The following CELF2 variants were observed in gnomAD, a reference collection of about 807,000 sequenced individuals.
CELF2 encodes the protein CUGBP Elav-like family member 2.
In CELF2, 8 loss-of-function variants were observed where a neutral mutation model predicts 62.6. That is an observed-to-expected ratio of 0.13 (90% CI 0.07 to 0.23). CELF2 has a LOEUF of 0.23. CELF2 is among the 10% of genes least tolerant of loss of function. The pLI is 1.00. For missense variants in CELF2, 333 were observed against 671.0 expected, an observed-to-expected ratio of 0.50 and a Z score of 5.56; for synonymous variants, 258 against 250.0, an observed-to-expected ratio of 1.03 and a Z score of -0.30.
chr10:10,497,132 C>A, the CELF2 span, among the ~76,000 whole-genome samples: 3 of 151,460 alleles, frequency 2.0e-5, no homozygotes, highest in African/African-American at 7.3e-5. Context: ...TTGCAATGAG[C>A]CGAGATCGCG....
In CELF2 at chr10:10,962,581, C is replaced by A. The variant is rs369591770; in HGVS notation, c.89+42582C>A. On this transcript the variant is annotated intron_variant, in intron 2 of 13. Transcript: ENST00000636488. ...CTACAAATAAAAAATATTAACCAGG[C>A]ATGGTGGTGCACACACCCCTGTAGT... Among the ~76,000 whole-genome samples the A allele has an allele frequency of 2.0e-4, 31 of 152,246 alleles. No individual in the cohort carries two copies. The East Asian group carries it at 2.7e-3, about 13-fold the overall frequency.
chr10:11,145,011 G>C lies in CELF2; in HGVS notation c.75-20475G>C, dbSNP rs1403570577. ...TTTCTTGTTTATTTCTGTGTCGAAGGCAAGGCAGCTTAATAGAATTTGAAT... is the reference window on the plus strand; with the variant it reads ...TTTCTTGTTTATTTCTGTGTCGAAGCCAAGGCAGCTTAATAGAATTTGAAT... On this transcript the variant is annotated intron_variant, in intron 1 of 12. Coordinates refer to ENST00000633077, the MANE Select transcript of CELF2 (RefSeq NM_001326342.2). The surrounding 1 kb of genome is among the most constrained non-coding windows in gnomAD (Gnocchi z 4.3). 6.6e-6 allele frequency among the ~76,000 whole-genome samples: 1 copy of C among 151,948 alleles called. No individual in the cohort carries two copies. Among genetic ancestry groups the C allele is most frequent in the East Asian group, 1.9e-4 (1 of 5,188 alleles).
intron 1 of CELF2, among the ~76,000 whole-genome samples, chr10:11,163,418 G>A (rs1221745889): frequency 6.6e-6 from 1 of 152,206 alleles, no homozygotes; most frequent in Non-Finnish European, 1.5e-5. Context: ...AACATGACAT[G>A]CTGTACTGCA....
At chr10:10,539,713 T>C in the CELF2 span, among the ~76,000 whole-genome samples, 1 of 152,182 alleles carries the variant, frequency 6.6e-6, no homozygotes. Context: ...CACTTGGAAA[T>C]TGTACCACCA....
At position 11,165,558 on chromosome 10, in the gene CELF2, G is replaced by A; in HGVS notation, c.147G>A (p.Met49Ile). 6.2e-7 allele frequency: 1 copy of A among 1,614,228 alleles called. No individual in the cohort carries two copies. The highest frequency in any genetic ancestry group is 8.5e-7 in the Non-Finnish European group (1 of 1,180,042). The change falls in exon 2 of 13, where the codon ATG becomes ATA. Residue 49 changes from methionine (M) to isoleucine (I), a missense_variant. By Grantham distance (10) the Met-to-Ile change is conservative. This residue lies in a region of CELF2 where 253 missense variants were observed against 503.0 expected (regional missense o/e 0.50). Coordinates refer to ENST00000633077, the MANE Select transcript of CELF2 (RefSeq NM_001326342.2). The surrounding 1 kb of genome is among the most constrained non-coding windows in gnomAD (Gnocchi z 7.4). ...AACCAGACCCAGATGCCATTAAGAT[G>A]TTTGTCGGACAGATCCCCCGGTCAT... The part of the protein sequence containing the change: ...SDQPDPDAIK[M>I]FVGQIPRSWS...
chr10:10,649,356 G>T, the CELF2 span, among the ~76,000 whole-genome samples: 1 of 152,038 alleles, frequency 6.6e-6, no homozygotes, highest in South Asian at 2.1e-4. Flanking sequence ...TTTCTCTTTT[G>T]TATATACTCA....
At chr10:10,636,731 C>G in the CELF2 span, among the ~76,000 whole-genome samples, 1 of 152,134 alleles carries the variant, frequency 6.6e-6, no homozygotes, top group Non-Finnish European at 1.5e-5. Context: ...CCTAACATCA[C>G]AGGGTCAATA....
intron 12 of CELF2, among the ~76,000 whole-genome samples, chr10:11,326,675 A>G (rs73583255): frequency 0.015 from 2,314 of 152,276 alleles, 59 homozygotes; most frequent in African/African-American, 0.052. Flanking sequence ...TTCATTAAAT[A>G]TATTCCTTGT....
At chr10:11,284,902 G>A (rs2090661962) in intron 8 of CELF2, among the ~76,000 whole-genome samples, 1 of 151,298 alleles carries the variant, frequency 6.6e-6, no homozygotes, top group South Asian at 2.1e-4. Flanking sequence ...GTGGATGGGT[G>A]GATGGTTGGA....
chr10:10,900,655 T>C (rs2062870133), intron 1 of CELF2, among the ~76,000 whole-genome samples: 1 of 152,158 alleles, frequency 6.6e-6, no homozygotes. Flanking sequence ...GGTCAGGAAC[T>C]AGACAGTGAG....
At chr10:10,562,473 T>C in the CELF2 span, among the ~76,000 whole-genome samples, 1 of 152,202 alleles carries the variant, frequency 6.6e-6, no homozygotes, top group Non-Finnish European at 1.5e-5. Flanking sequence ...ATTATCCACT[T>C]TTTAAATAGG....
intron 5 of CELF2, among the ~76,000 whole-genome samples, chr10:11,265,657 T>G (rs1054058698): frequency 6.6e-6 from 1 of 152,268 alleles, no homozygotes; most frequent in African/African-American, 2.4e-5. Context: ...AAAAGGGCAA[T>G]GAGCCATGTA....
At chr10:11,105,587 T>C (rs1351001069) in intron 1 of CELF2, 1 of 152,236 alleles carries the variant, frequency 6.6e-6, no homozygotes, top group African/African-American at 2.4e-5. Flanking sequence ...CCACCAGAGG[T>C]GGCCACTGGG....
chr10:10,520,752 T>C, the CELF2 span, among the ~76,000 whole-genome samples: 4 of 151,822 alleles, frequency 2.6e-5, no homozygotes, highest in African/African-American at 9.7e-5. Context: ...GACCCGCTAA[T>C]TAGTAGGGAG....
At chr10:10,512,356 C>T in the CELF2 span, among the ~76,000 whole-genome samples, 1 of 150,528 alleles carries the variant, frequency 6.6e-6, no homozygotes, top group Non-Finnish European at 1.5e-5. Context: ...ACATTAAACA[C>T]AAGACCTTCC....
chr10:10,494,144 A>G, the CELF2 span, among the ~76,000 whole-genome samples: 1 of 152,236 alleles, frequency 6.6e-6, no homozygotes, highest in Non-Finnish European at 1.5e-5. Context: ...CAAACAGTGA[A>G]TTAATGAATA....
At position 11,047,862 on chromosome 10, in the gene CELF2, G is replaced by A. The variant is rs147155369; in HGVS notation, c.74+29699G>A. Among the ~76,000 whole-genome samples, 208 of 152,146 alleles carry A rather than the reference G, an allele frequency of 1.4e-3. 4 individuals are homozygous for A. The highest frequency in any genetic ancestry group is 4.9e-3 in the African/African-American group (204 of 41,490). The stretch of plus-strand genomic sequence containing the variant: ...TGTCTAATTTACCCATCATGTTACT[G>A]TTGCCACATGCACTTCTAGAGTGAA... On this transcript the variant is annotated intron_variant, in intron 1 of 12. Coordinates refer to ENST00000633077, the MANE Select transcript of CELF2 (RefSeq NM_001326342.2).
intron 1 of CELF2, among the ~76,000 whole-genome samples, chr10:10,862,085 T>A (rs148696666): frequency 1.3e-5 from 2 of 152,294 alleles, no homozygotes; most frequent in African/African-American, 2.4e-5. Flanking sequence ...TTAGAAATAT[T>A]AATGTATCAT....
the CELF2 span, among the ~76,000 whole-genome samples, chr10:10,667,987 C>G: frequency 1.3e-5 from 2 of 152,112 alleles, no homozygotes; most frequent in Non-Finnish European, 2.9e-5. Context: ...AAACAAGCAC[C>G]CGTGCCAGCC....
Sources: allele counts gnomAD v4.1 joint callset (sites outside exome capture counted in the v4.1 genomes callset), GRCh38; gene constraint gnomAD v4.1.1; regional missense constraint gnomAD v4.1.1; non-coding constraint Gnocchi (gnomAD v3.1); transcripts MANE v1.5; gene names NCBI Gene and HGNC (gene_info 2026-07-23, HGNC 2026-07-21).